Variants in RAPGEF4 observed in about 807,000 individuals in gnomAD.
RAPGEF4 encodes RAP guanine-nucleotide-exchange factor (GEF) 4.
A neutral mutation model predicts 147.9 loss-of-function variants in RAPGEF4; 66 were observed. The ratio of observed to expected loss-of-function variants is 0.45; its 90% CI spans 0.37 to 0.55. RAPGEF4 has a LOEUF of 0.55. RAPGEF4 is among the 20% of genes least tolerant of loss of function. The probability of loss-of-function intolerance (pLI) is 0.00; values close to 1 mark genes in which losing one functional copy is unlikely to be tolerated. For missense variants in RAPGEF4, 1,071 were observed against 1,257.3 expected (o/e 0.85, Z 2.24); for synonymous variants, 419 against 442.7 (o/e 0.95, Z 0.67).
intron 1 of RAPGEF4, among the ~76,000 whole-genome samples, chr2:172,767,474 C>T (rs1259374460): frequency 1.3e-5 from 2 of 152,046 alleles, no homozygotes; most frequent in South Asian, 2.1e-4. Context: ...GCACTGAGCC[C>T]GGCCTAAATA....
chr2:172,990,984 C>T lies in RAPGEF4; in HGVS notation c.1490+59C>T, dbSNP rs559961522. 19 of 1,281,376 alleles carry T rather than the reference C, an allele frequency of 1.5e-5. No individual in the cohort carries two copies. In the South Asian group the frequency reaches 2.4e-4, roughly 16 times the overall value. The allele number at this position is 1,281,376 out of a possible 1,614,324, so 79.4% of individuals were successfully genotyped here. A position where few individuals can be genotyped will look rare whatever the true frequency, so the allele number is the denominator to read the frequency against. On this transcript the variant is annotated intron_variant, in intron 15 of 30. Transcript: ENST00000397081. ...TATGATTAACCTTTTCACATGGTATCATCATTTCTACAATAGCATGTTCTC... is the reference window on the plus strand; with the variant it reads ...TATGATTAACCTTTTCACATGGTATTATCATTTCTACAATAGCATGTTCTC...
chr2:173,050,632 GGAGGTGGCCCACA>G (rs1173161950), intron 30 of RAPGEF4, among the ~76,000 whole-genome samples: 3 of 152,138 alleles, frequency 2.0e-5, no homozygotes, highest in Admixed American at 6.5e-5. Flanking sequence ...TGCTTGAAAT[GGAGGTGGCCCACA>G]GAGGTGTTGG....
At chr2:172,961,556 C>T (rs1223362996) in intron 8 of RAPGEF4, among the ~76,000 whole-genome samples, 2 of 152,166 alleles carry the variant, frequency 1.3e-5, no homozygotes, top group Non-Finnish European at 2.9e-5. Context: ...TGACTGCACA[C>T]TTATTTATAC....
intron 9 of RAPGEF4, among the ~76,000 whole-genome samples, chr2:172,966,494 C>A (rs1689855446): frequency 6.6e-6 from 1 of 152,064 alleles, no homozygotes; most frequent in African/African-American, 2.4e-5. Flanking sequence ...CCAGGAATCG[C>A]CCTTTGAGCA....
chr2:173,020,738 G>C, intron 23 of RAPGEF4, 23 bp downstream of exon 23: 3 of 1,580,846 alleles, frequency 1.9e-6, no homozygotes, highest in Non-Finnish European at 2.6e-6. Flanking sequence ...GGCCTGCTCA[G>C]AGCAGCATTG....
chr2:172,965,326 A>G (rs1366977079), intron 8 of RAPGEF4: 5 of 546,238 alleles, frequency 9.2e-6, no homozygotes, highest in Non-Finnish European at 1.3e-5. Context: ...ACAAGTTGTA[A>G]TGCTTTCATT....
Position 173,036,643 on chromosome 2 carries a change from A to G in RAPGEF4, c.2804A>G (p.His935Arg), listed in dbSNP as rs776505596. Residue 935 changes from histidine to arginine, a missense_variant, in exon 29 of 31, where the codon CAT becomes CGT. Transcript: ENST00000397081. The stretch of plus-strand genomic sequence containing the variant: ...TTCTTTACAGATATGACATTTACTC[A>G]TGAGGGGAACAAGACGTTCATTGAC... ...PLLIKDMTFT[H>R]EGNKTFIDNL... 1.2e-6 allele frequency: 2 copies of G among 1,611,562 alleles called. No homozygotes were observed. Among genetic ancestry groups the G allele is most frequent in the South Asian group, 1.1e-5 (1 of 90,890 alleles).
chr2:172,926,964 C>T (rs1685436958), intron 6 of RAPGEF4, among the ~76,000 whole-genome samples: 1 of 152,120 alleles, frequency 6.6e-6, no homozygotes, highest in African/African-American at 2.4e-5. Context: ...TATAAATCAC[C>T]ATCAATGTGG....
At chr2:172,974,077 G>A (rs1228401793) in intron 10 of RAPGEF4, among the ~76,000 whole-genome samples, 4 of 152,144 alleles carry the variant, frequency 2.6e-5, no homozygotes, top group South Asian at 2.1e-4. Context: ...ACCATTTATC[G>A]AGCATCTGTG....
intron 10 of RAPGEF4, among the ~76,000 whole-genome samples, chr2:172,971,489 T>C (rs1690481540): frequency 1.3e-5 from 2 of 152,172 alleles, no homozygotes; most frequent in Admixed American, 1.3e-4. Flanking sequence ...TTGTTAGAAG[T>C]TGGGGAATCT....
chr2:172,939,119 T>C (rs1686892235), intron 6 of RAPGEF4, among the ~76,000 whole-genome samples: 1 of 152,232 alleles, frequency 6.6e-6, no homozygotes, highest in Admixed American at 6.5e-5. Context: ...AAAACTGTTA[T>C]GAATATTTGT....
intron 4 of RAPGEF4, among the ~76,000 whole-genome samples, chr2:172,907,713 T>A (rs1446949054): frequency 1.3e-5 from 2 of 152,210 alleles, no homozygotes; most frequent in Admixed American, 1.3e-4. Context: ...TGTGAAGCTG[T>A]AATGCAGAAA....
intron 1 of RAPGEF4, among the ~76,000 whole-genome samples, chr2:172,742,544 T>A (rs930873660): frequency 2.6e-5 from 4 of 152,252 alleles, no homozygotes; most frequent in African/African-American, 9.6e-5. Context: ...GTATATAATG[T>A]CAAGTGATCT....
intron 4 of RAPGEF4, among the ~76,000 whole-genome samples, chr2:172,845,228 T>C (rs1027498709): frequency 6.6e-6 from 1 of 152,202 alleles, no homozygotes; most frequent in Non-Finnish European, 1.5e-5. Flanking sequence ...CATGGACCTA[T>C]AGTATTTCTG....
chr2:172,925,616 A>G (rs1444416198), intron 6 of RAPGEF4, among the ~76,000 whole-genome samples: 2 of 140,876 alleles, frequency 1.4e-5, no homozygotes, highest in Admixed American at 7.2e-5. Context: ...ACACACACAC[A>G]CGCTGAATGT....
At chr2:172,944,768 G>A (rs887520748) in intron 6 of RAPGEF4, among the ~76,000 whole-genome samples, 6 of 152,000 alleles carry the variant, frequency 3.9e-5, no homozygotes, top group African/African-American at 4.8e-5. Context: ...AATCCTCGTC[G>A]TACTTCCAAA....
intron 4 of RAPGEF4, among the ~76,000 whole-genome samples, chr2:172,878,152 A>G (rs974586390): frequency 6.6e-6 from 1 of 152,222 alleles, no homozygotes; most frequent in Non-Finnish European, 1.5e-5. Flanking sequence ...GTAAGGTTAG[A>G]GAGGTGGTAA....
chr2:173,048,022 A>C (rs1473167944), intron 29 of RAPGEF4: 1 of 152,888 alleles, frequency 6.5e-6, no homozygotes, highest in African/African-American at 2.4e-5. Context: ...TTATAATCAG[A>C]AAGGAGGAAG....
intron 17 of RAPGEF4, among the ~76,000 whole-genome samples, chr2:173,002,917 A>G (rs1165000225): frequency 6.6e-6 from 1 of 152,212 alleles, no homozygotes; most frequent in African/African-American, 2.4e-5. Context: ...AAATGAACAA[A>G]TTCAGGATGT....
Sources: gnomAD v4.1 joint callset for allele counts (sites outside exome capture counted in the v4.1 genomes callset) on GRCh38, gnomAD v4.1.1 for gene constraint, MANE v1.5 for transcripts, NCBI Gene and HGNC (gene_info 2026-07-23, HGNC 2026-07-21) for gene names.